Variants in ELAVL4 observed in about 807,000 individuals in gnomAD.
The protein encoded by ELAVL4 is ELAV like RNA binding protein 4.
Under a neutral mutation model 35.6 loss-of-function variants are expected in ELAVL4, and 1 was observed. The observed-to-expected ratio is 0.03, with a 90% CI of 0.01 to 0.13. The LOEUF (loss-of-function observed/expected upper bound fraction) is 0.13, where lower values mean the gene tolerates loss of function less well. ELAVL4 is among the 10% of genes least tolerant of loss of function. The probability of loss-of-function intolerance (pLI) is 1.00; values close to 1 mark genes in which losing one functional copy is unlikely to be tolerated. For missense variants in ELAVL4, 267 were observed against 464.9 expected (o/e 0.57, Z 3.91); for synonymous variants, 156 against 171.0 (o/e 0.91, Z 0.69).
chr1:50,128,285 G>A (rs1468647385), intron 1 of ELAVL4, among the ~76,000 whole-genome samples: 1 of 152,042 alleles, frequency 6.6e-6, no homozygotes, highest in East Asian at 1.9e-4. Flanking sequence ...ACAATGATGA[G>A]GGCAATATAG....
chr1:50,048,055 A>T (rs1226939541), exon 1 of ELAVL4: 1 of 1,297,500 alleles, frequency 7.7e-7, no homozygotes, highest in Non-Finnish European at 1.0e-6. Context: ...GCGGAGCCGC[A>T]GAGCGAGCTA....
chr1:50,069,862 A>G (rs1014910032), intron 1 of ELAVL4, among the ~76,000 whole-genome samples: 3 of 152,062 alleles, frequency 2.0e-5, no homozygotes, highest in Non-Finnish European at 4.4e-5. Context: ...GTGCTTACCA[A>G]CTCACAAGGG....
intron 2 of ELAVL4, among the ~76,000 whole-genome samples, chr1:50,165,752 A>ATATATACATATG: frequency 6.4e-5 from 2 of 31,114 alleles, no homozygotes; most frequent in East Asian, 2.9e-4. Flanking sequence ...ATATACATAT[A>ATATATACATATG]TGTGTATATG....
chr1:50,079,516 A>G (rs1029061502), intron 1 of ELAVL4, among the ~76,000 whole-genome samples: 5 of 152,198 alleles, frequency 3.3e-5, no homozygotes, highest in African/African-American at 1.2e-4. Context: ...TTGATCACTC[A>G]CTGGATGTGG....
intron 2 of ELAVL4, among the ~76,000 whole-genome samples, chr1:50,158,803 G>T (rs536908897): frequency 6.6e-6 from 1 of 152,306 alleles, no homozygotes; most frequent in Admixed American, 6.5e-5. Context: ...CACTTTGGGA[G>T]TCCAAGGCGG....
intron 1 of ELAVL4, among the ~76,000 whole-genome samples, chr1:50,064,621 G>A (rs1373920453): frequency 6.6e-6 from 1 of 152,114 alleles, no homozygotes; most frequent in Non-Finnish European, 1.5e-5. Context: ...ATATCTTGAA[G>A]ATACAGTCAC....
upstream of ELAVL4, among the ~76,000 whole-genome samples, chr1:50,103,669 G>T (rs1234239996): frequency 6.6e-6 from 1 of 152,128 alleles, no homozygotes; most frequent in Non-Finnish European, 1.5e-5. Context: ...CTATTTAAAT[G>T]GTGTGCTATA....
At chr1:50,051,739 A>G (rs532370452) in intron 1 of ELAVL4, among the ~76,000 whole-genome samples, 27 of 152,268 alleles carry the variant, frequency 1.8e-4, no homozygotes, top group African/African-American at 6.5e-4. Flanking sequence ...AATCTATTTC[A>G]TCTTTTGATA....
intron 1 of ELAVL4, among the ~76,000 whole-genome samples, chr1:50,063,194 C>T (rs1048129640): frequency 1.3e-5 from 2 of 152,106 alleles, no homozygotes; most frequent in African/African-American, 4.8e-5. Context: ...TGGACATCCT[C>T]GAGGCCATTT....
At chr1:50,196,273 A>G (rs1345425077) in intron 5 of ELAVL4, among the ~76,000 whole-genome samples, 2 of 152,098 alleles carry the variant, frequency 1.3e-5, no homozygotes, top group Admixed American at 1.3e-4. Flanking sequence ...TAACCTTATT[A>G]TGTTAAGTCA....
chr1:50,070,347 A>T (rs1018130516), intron 1 of ELAVL4, among the ~76,000 whole-genome samples: 1 of 152,112 alleles, frequency 6.6e-6, no homozygotes, highest in Non-Finnish European at 1.5e-5. Flanking sequence ...CTTATTGGGG[A>T]TAGGGAGAAT....
chr1:50,133,784 G>A (rs1403423677), intron 1 of ELAVL4, among the ~76,000 whole-genome samples: 1 of 152,112 alleles, frequency 6.6e-6, no homozygotes, highest in Non-Finnish European at 1.5e-5. Context: ...GAATGAACAT[G>A]TAGCTATATG....
intron 1 of ELAVL4, among the ~76,000 whole-genome samples, chr1:50,120,807 T>C (rs1229291115): frequency 6.6e-6 from 1 of 152,030 alleles, no homozygotes; most frequent in Non-Finnish European, 1.5e-5. Flanking sequence ...TAAAGAAGTG[T>C]GCTATTAGAG....
chr1:50,078,231 C>T (rs1051343606), intron 1 of ELAVL4, among the ~76,000 whole-genome samples: 3 of 151,838 alleles, frequency 2.0e-5, no homozygotes, highest in African/African-American at 7.3e-5. Context: ...AGAGAGCAAA[C>T]TCTCATGCCT....
chr1:50,049,263 G>A (rs1663231908), intron 1 of ELAVL4, among the ~76,000 whole-genome samples: 1 of 152,174 alleles, frequency 6.6e-6, no homozygotes, highest in South Asian at 2.1e-4. Flanking sequence ...TCCTTGAGAA[G>A]CTGCCTCACA....
chr1:50,091,553 C>A (rs1221168815), intron 1 of ELAVL4, among the ~76,000 whole-genome samples: 1 of 152,096 alleles, frequency 6.6e-6, no homozygotes, highest in African/African-American at 2.4e-5. Flanking sequence ...TCACGTCTAG[C>A]AAGAGAAGAA....
intron 2 of ELAVL4, among the ~76,000 whole-genome samples, chr1:50,154,484 A>G (rs898857063): frequency 2.0e-5 from 3 of 152,228 alleles, no homozygotes; most frequent in African/African-American, 4.8e-5. Flanking sequence ...CACAAAGTGG[A>G]TACAGCTAGC....
At chr1:50,061,757 T>G (rs1663989506) in intron 1 of ELAVL4, among the ~76,000 whole-genome samples, 2 of 152,188 alleles carry the variant, frequency 1.3e-5, no homozygotes, top group Non-Finnish European at 2.9e-5. Context: ...CTGCCCAGTG[T>G]GGGAACTCCC....
intron 3 of ELAVL4, among the ~76,000 whole-genome samples, chr1:50,183,809 C>T (rs1681420343): frequency 6.6e-6 from 1 of 152,210 alleles, no homozygotes; most frequent in Non-Finnish European, 1.5e-5. Context: ...CCTATCACTG[C>T]TCTTAATGCT....
Sources: allele counts gnomAD v4.1 joint callset (sites outside exome capture counted in the v4.1 genomes callset), GRCh38; gene constraint gnomAD v4.1.1; transcripts MANE v1.5; gene names NCBI Gene and HGNC (gene_info 2026-07-23, HGNC 2026-07-21).